The following PRPF39 variants were observed in gnomAD, a reference collection of about 807,000 sequenced individuals.
PRPF39 encodes pre-mRNA-processing factor 39.
A neutral mutation model predicts 82.1 loss-of-function variants in PRPF39; 27 were observed. That is an observed-to-expected ratio of 0.33 (90% CI 0.24 to 0.45). The LOEUF (loss-of-function observed/expected upper bound fraction) is 0.45, where lower values mean the gene tolerates loss of function less well. Among genes scored for constraint, PRPF39 ranks in the 20% least tolerant of loss-of-function variants. The pLI is 1.00. For missense variants in PRPF39, 581 were observed against 796.9 expected (o/e 0.73, Z 3.26); for synonymous variants, 261 against 256.4 (o/e 1.02, Z -0.17).
At chr14:45,087,681 C>T (rs1357053396) in intron 1 of PRPF39, among the ~76,000 whole-genome samples, 1 of 151,584 alleles carries the variant, frequency 6.6e-6, no homozygotes, top group African/African-American at 2.4e-5. Context: ...TCACACCATT[C>T]TCCTACCTCA....
chr14:45,092,853 T>G (rs2139040400), intron 1 of PRPF39, among the ~76,000 whole-genome samples: 1 of 152,216 alleles, frequency 6.6e-6, no homozygotes, highest in Non-Finnish European at 1.5e-5. Flanking sequence ...TTTGCAAATT[T>G]CTGCATAGAC....
In PRPF39 at chr14:45,110,966, CCA is replaced by C; in HGVS notation, c.1572+150_1572+151del. The C allele has an allele frequency of 1.3e-6, 1 of 776,594 alleles. No individual in the cohort carries two copies. Among genetic ancestry groups the C allele is most frequent in the Non-Finnish European group, 1.9e-6 (1 of 513,620 alleles). The allele number at this position is 776,594 out of a possible 1,614,324, so 48.1% of individuals were successfully genotyped here. A position where few individuals can be genotyped will look rare whatever the true frequency, so the allele number is the denominator to read the frequency against. On this transcript the variant is annotated intron_variant, in intron 10 of 13. Transcript: ENST00000355765. This position sits in a 1 kb window ranked among gnomAD's most constrained non-coding sequence, Gnocchi z 4.0. Reference sequence around the variant, plus strand: ...CAACAGTCCCTCTAAACTGATGTTGCCATTTAAAAATTTTTTTCAAATTGTTT... The same window carrying C: ...CAACAGTCCCTCTAAACTGATGTTGCTTTAAAAATTTTTTTCAAATTGTTT...
At chr14:45,105,806 G>A (rs566082290) in intron 5 of PRPF39, among the ~76,000 whole-genome samples, 3 of 152,084 alleles carry the variant, frequency 2.0e-5, no homozygotes, top group Non-Finnish European at 2.9e-5. Flanking sequence ...GATTACAGGC[G>A]TCAGCAGGCG....
chr14:45,114,105 T>G lies in PRPF39; in HGVS notation c.1758-78T>G, dbSNP rs1884770236. The G allele has an allele frequency of 7.2e-6, 8 of 1,103,900 alleles. No homozygotes were observed. The South Asian group carries it at 9.5e-5, about 13-fold the overall frequency. 68.4% of individuals were successfully genotyped at this position (1,103,900 alleles called of 1,614,324 possible). On this transcript the variant is annotated intron_variant, in intron 11 of 13. Transcript: ENST00000355765. ...TTAGAAATTTTCTTAGGCAGTTTCC[T>G]AAGTAAAAACAACTTTAAATATTTA...
intron 11 of PRPF39, among the ~76,000 whole-genome samples, chr14:45,113,325 C>G (rs1884747839): frequency 6.6e-6 from 1 of 152,120 alleles, no homozygotes. Flanking sequence ...GGCATGATGC[C>G]AAATGTTTTA....
chr14:45,092,139 C>G (rs1289439888), intron 1 of PRPF39, among the ~76,000 whole-genome samples: 2 of 152,202 alleles, frequency 1.3e-5, no homozygotes, highest in Non-Finnish European at 2.9e-5. Flanking sequence ...CAGAGCTCTG[C>G]AGCTGATGTT....
At chr14:45,111,003 A>C in intron 10 of PRPF39, 186 bp downstream of exon 10, 5 of 585,548 alleles carry the variant, frequency 8.5e-6, no homozygotes, top group Non-Finnish European at 1.5e-5. Context: ...TTGAATTAAA[A>C]GTTTTAGACA....
At chr14:45,091,744 G>A (rs1403133357) in intron 1 of PRPF39, among the ~76,000 whole-genome samples, 1 of 152,008 alleles carries the variant, frequency 6.6e-6, no homozygotes, top group African/African-American at 2.4e-5. Flanking sequence ...TCAAAATGAG[G>A]TGCTACTTTG....
chr14:45,095,834 A>G (rs1594726884), intron 2 of PRPF39: 1 of 467,884 alleles, frequency 2.1e-6, no homozygotes, highest in Non-Finnish European at 3.5e-6. Flanking sequence ...TGGCAAAATT[A>G]GTTCCTTCTG....
chr14:45,105,031 G>C (rs572840912), intron 5 of PRPF39, among the ~76,000 whole-genome samples: 2 of 152,196 alleles, frequency 1.3e-5, no homozygotes, highest in South Asian at 4.1e-4. Context: ...ACACTGCTTT[G>C]AATTTATGTC....
At chr14:45,104,536 A>C (rs1375883698) in intron 5 of PRPF39, among the ~76,000 whole-genome samples, 2 of 152,164 alleles carry the variant, frequency 1.3e-5, no homozygotes, top group African/African-American at 4.8e-5. Context: ...AGGCCCAAAG[A>C]AGCCATGTGT....
intron 1 of PRPF39, among the ~76,000 whole-genome samples, chr14:45,092,326 T>G (rs1430127278): frequency 6.6e-6 from 1 of 152,058 alleles, no homozygotes; most frequent in Non-Finnish European, 1.5e-5. Flanking sequence ...GCATCGGCTG[T>G]GCACGGTGGC....
At chr14:45,095,958 C>A in intron 2 of PRPF39, 145 bp from the exon 3 acceptor site, 2 of 567,936 alleles carry the variant, frequency 3.5e-6, no homozygotes, top group Non-Finnish European at 2.8e-6. Flanking sequence ...AGAAGGGCTG[C>A]TCCATCGGCA....
At chr14:45,108,388 T>A (rs972862167) in intron 6 of PRPF39, 27 bp from the exon 7 acceptor site, 4 of 1,560,170 alleles carry the variant, frequency 2.6e-6, no homozygotes, top group Non-Finnish European at 3.4e-6. Context: ...TTTGTGAGAT[T>A]TATTTTTTTC....
chr14:45,085,583 C>T (rs1883798150), intron 1 of PRPF39, among the ~76,000 whole-genome samples: 2 of 152,036 alleles, frequency 1.3e-5, no homozygotes, highest in Admixed American at 1.3e-4. Context: ...GTACGTTTTC[C>T]AAAAAGCCGA....
intron 5 of PRPF39, among the ~76,000 whole-genome samples, chr14:45,103,507 GTGAT>G (rs1357353997): frequency 6.6e-6 from 1 of 151,878 alleles, no homozygotes; most frequent in Non-Finnish European, 1.5e-5. Flanking sequence ...TTTTAAGTGA[GTGAT>G]TTTCTAAATT....
Position 45,095,555 on chromosome 14 carries a change from G to A in PRPF39, c.316G>A (p.Glu106Lys). 1 of 1,594,876 alleles carries A rather than the reference G, an allele frequency of 6.3e-7. No homozygotes were observed. The highest frequency in any genetic ancestry group is 1.3e-5 in the African/African-American group (1 of 74,436). Residue 106 changes from glutamate (E) to lysine (K), a missense_variant, in exon 2 of 14, where the codon GAA (glutamate) becomes AAA (lysine). By Grantham distance (56) the Glu-to-Lys change is moderately conservative. Coordinates refer to ENST00000355765, the MANE Select transcript of PRPF39 (RefSeq NM_017922.4). The stretch of plus-strand genomic sequence containing the variant: ...CTGGGTATATTTGCTTCAATATGTA[G>A]AACAGGAGGTTAGTAACTATTAAAA... ...TGWVYLLQYV[E>K]QENHLMAARK... is the part of the protein sequence containing the mutation.
chr14:45,097,976 T>C (rs1884253775), intron 4 of PRPF39, among the ~76,000 whole-genome samples: 3 of 152,232 alleles, frequency 2.0e-5, no homozygotes, highest in Admixed American at 2.0e-4. Context: ...TTTCTTTCTC[T>C]GTTAGCTGTA....
At chr14:45,088,840 T>G (rs1378130577) in intron 1 of PRPF39, among the ~76,000 whole-genome samples, 1 of 152,208 alleles carries the variant, frequency 6.6e-6, no homozygotes, top group Non-Finnish European at 1.5e-5. Flanking sequence ...TATGTATTAT[T>G]ACATTAAAGT....
Sources: allele counts gnomAD v4.1 joint callset (sites outside exome capture counted in the v4.1 genomes callset), GRCh38; gene constraint gnomAD v4.1.1; non-coding constraint Gnocchi (gnomAD v3.1); transcripts MANE v1.5; gene names NCBI Gene and HGNC (gene_info 2026-07-23, HGNC 2026-07-21).